ZNF250: variants seen among roughly 807,000 people sequenced by gnomAD.
The protein encoded by ZNF250 is zinc finger protein (clone 647).
Under a neutral mutation model 37.1 loss-of-function variants are expected in ZNF250, and 13 were observed. The observed-to-expected ratio is 0.35, with a 90% CI of 0.23 to 0.56. The LOEUF is 0.56. Ranked by LOEUF, ZNF250 falls within the 20% of genes least tolerant of loss-of-function variation. ZNF250 has a pLI of 0.87. For synonymous variants in ZNF250, 251 were observed against 265.6 expected, an observed-to-expected ratio of 0.94 and a Z score of 0.54; for missense variants, 474 against 697.9, an observed-to-expected ratio of 0.68 and a Z score of 3.61.
chr8:144,896,338 C>T (rs1036683234), intron 1 of ZNF250, among the ~76,000 whole-genome samples: 5 of 151,198 alleles, frequency 3.3e-5, no homozygotes, highest in African/African-American at 1.2e-4. Flanking sequence ...CAGAATGAAT[C>T]CCTGTCTCAA....
Position 144,881,578 on chromosome 8 carries a change from A to G in ZNF250, c.1605T>C (p.Cys535=). 6.2e-7 allele frequency: 1 copy of G among 1,611,786 alleles called. No individual in the cohort carries two copies. The highest frequency in any genetic ancestry group is 8.5e-7 in the Non-Finnish European group (1 of 1,178,168). The change falls in exon 6 of 6, where the codon TGT becomes TGC. Residue 535 remains cysteine (C), a synonymous_variant. Coordinates refer to ENST00000417550, the MANE Select transcript of ZNF250 (RefSeq NM_001109689.4). ...GGCCATGCTGGTTGAAGGCACGCCCACACTCCCCGCACTCATAGGGCTTCT... is the reference window on the plus strand; with the variant it reads ...GGCCATGCTGGTTGAAGGCACGCCCGCACTCCCCGCACTCATAGGGCTTCT... The part of the protein sequence containing the change: ...TGEKPYECGE[C]GRAFNQHGHL...
In ZNF250 at chr8:144,886,862, T is replaced by A. The variant is rs763768173; in HGVS notation, c.324A>T (p.Gln108His). Residue 108 changes from glutamine to histidine, a missense_variant, in exon 5 of 6, where the codon CAA (glutamine) becomes CAT (histidine). Around this residue, in one of 2 missense-constraint regions of ZNF250, gnomAD observed 192 missense variants for 227.5 expected, o/e 0.84. Transcript: ENST00000417550. ...KYDHTTACTQQDSLSCPWECE... is the reference protein window; with the variant it reads ...KYDHTTACTQHDSLSCPWECE... The stretch of plus-strand genomic sequence containing the variant: ...TACCCCATGGACAAGATAAACTGTC[T>A]TGTTGTGTACAGGCTGTAGTGTGGT... The A allele has an allele frequency of 1.2e-6, 2 of 1,608,910 alleles. No individual in the cohort carries two copies. Among genetic ancestry groups the A allele is most frequent in the Non-Finnish European group, 1.7e-6 (2 of 1,179,034 alleles).
At chr8:144,889,205 C>T (rs1392387825) in intron 4 of ZNF250, among the ~76,000 whole-genome samples, 1 of 152,226 alleles carries the variant, frequency 6.6e-6, no homozygotes, top group Non-Finnish European at 1.5e-5. Context: ...GAGACACTTC[C>T]TTTCCACATT....
Position 144,878,360 on chromosome 8 carries a change from C to T in ZNF250, c.*3155G>A, listed in dbSNP as rs1173912318. 2 of 152,238 alleles carry T rather than the reference C, an allele frequency of 1.3e-5. No homozygotes were observed. The highest frequency in any genetic ancestry group is 6.5e-5 in the Admixed American group (1 of 15,286). The allele number at this position is 152,238 out of a possible 1,614,324, so 9.4% of individuals were successfully genotyped here. Reference sequence around the variant, plus strand: ...ATTTCAGCCACCTCTGAAGTTAACACCTGTGTGATCTCAACTCCAGTGAAC... The same window carrying T: ...ATTTCAGCCACCTCTGAAGTTAACATCTGTGTGATCTCAACTCCAGTGAAC... On this transcript the variant is annotated 3_prime_UTR_variant, in exon 6 of 6. Coordinates refer to ENST00000417550, the MANE Select transcript of ZNF250 (RefSeq NM_001109689.4).
In ZNF250 at chr8:144,881,977, G is replaced by A. The variant is rs1031022997; in HGVS notation, c.1206C>T (p.Arg402=). 2.5e-6 allele frequency: 4 copies of A among 1,613,648 alleles called. No individual in the cohort carries two copies. Among genetic ancestry groups the A allele is most frequent in the African/African-American group, 1.3e-5 (1 of 74,830 alleles). The change falls in exon 6 of 6, where the codon CGC becomes CGT. Residue 402 remains arginine (R), a synonymous_variant. Transcript: ENST00000417550. ...CSECGKTFSH[R]STLMNHERIH... ...TCCGCTCGTGATTCATCAGTGTGGA[G>A]CGGTGGCTGAAGGTCTTCCCACACT...
At chr8:144,896,639 C>T (rs532930796) in intron 1 of ZNF250, among the ~76,000 whole-genome samples, 2 of 152,274 alleles carry the variant, frequency 1.3e-5, no homozygotes, top group African/African-American at 4.8e-5. Flanking sequence ...CAACTCCAAG[C>T]TTTGCTCCAT....
rs563859400 is a variant in ZNF250 at position 144,893,109 on chromosome 8, C to T, written c.-54-2706G>A. Among the ~76,000 whole-genome samples the T allele has an allele frequency of 4.5e-4, 69 of 152,080 alleles. 1 individual carries two copies. Among genetic ancestry groups the T allele is most frequent in the South Asian group, 2.3e-3 (11 of 4,826 alleles). On this transcript the variant is annotated intron_variant, in intron 1 of 5. Coordinates refer to ENST00000417550, the MANE Select transcript of ZNF250 (RefSeq NM_001109689.4). ...AACTCCCGACCTCAGGTGATCCACC[C>T]GCCTTGGCCTCCCAAAGTGCTGGGA... is the stretch of plus-strand genomic sequence containing the variant.
rs1179967851 is a variant in ZNF250, at chr8:144,880,346, G to A, written c.*1169C>T. ...CATTGTTTTGGGGGAAATACCATAA[G>A]ATGTAAAGAGGTACCCACTTGGTGT... is the stretch of plus-strand genomic sequence containing the variant. On this transcript the variant is annotated 3_prime_UTR_variant, in exon 6 of 6. Transcript: ENST00000417550. 9.0e-6 allele frequency: 4 copies of A among 443,526 alleles called. No individual in the cohort carries two copies. Among genetic ancestry groups the A allele is most frequent in the African/African-American group, 2.0e-5 (1 of 49,848 alleles). The allele number at this position is 443,526 out of a possible 1,614,324, so 27.5% of individuals were successfully genotyped here.
chr8:144,895,425 A>G (rs1287669244), intron 1 of ZNF250, among the ~76,000 whole-genome samples: 1 of 152,178 alleles, frequency 6.6e-6, no homozygotes, highest in Non-Finnish European at 1.5e-5. Context: ...GGCCCCACCT[A>G]TAAATCCAGA....
chr8:144,894,893 G>A (rs1832604925), intron 1 of ZNF250, among the ~76,000 whole-genome samples: 1 of 151,748 alleles, frequency 6.6e-6, no homozygotes, highest in Non-Finnish European at 1.5e-5. Flanking sequence ...TGAACTCCTA[G>A]GCTCAAGGGA....
rs1034770096 is a variant in ZNF250 at position 144,879,783 on chromosome 8, T to C, written c.*1732A>G. ...GATTCGGTTTCAAGAACTGTATCCT[T>C]GGCCGGGTGCGGTGGCACACGCCTG... On this transcript the variant is annotated 3_prime_UTR_variant, in exon 6 of 6. Transcript: ENST00000417550. The C allele has an allele frequency of 2.6e-5, 4 of 152,450 alleles. No homozygotes were observed. The highest frequency in any genetic ancestry group is 7.2e-5 in the African/African-American group (3 of 41,580). 9.4% of individuals were successfully genotyped at this position (152,450 alleles called of 1,614,324 possible). A position where few individuals can be genotyped will look rare whatever the true frequency, so the allele number is the denominator to read the frequency against.
rs940520684 is a variant in ZNF250 at position 144,901,037 on chromosome 8, G to C, written c.-55+362C>G. On this transcript the variant is annotated intron_variant, in intron 1 of 5. Transcript: ENST00000417550. The surrounding 1 kb of genome is among the most constrained non-coding windows in gnomAD (Gnocchi z 5.4). ...AGAAAGCGCGCGGGAGGGCACGAGG[G>C]GGAGGAAGGCCGGAGATCTGAGGAG... Among the ~76,000 whole-genome samples the C allele has an allele frequency of 6.6e-6, 1 of 152,134 alleles. No individual in the cohort carries two copies. The highest frequency in any genetic ancestry group is 1.5e-5 in the Non-Finnish European group (1 of 67,998).
intron 5 of ZNF250, among the ~76,000 whole-genome samples, chr8:144,886,444 C>T (rs1033323028): frequency 1.8e-4 from 28 of 152,210 alleles, no homozygotes; most frequent in African/African-American, 5.8e-4. Flanking sequence ...CTGTGAAGGC[C>T]AAACTTGCCT....
Position 144,878,307 on chromosome 8 carries a change from A to G in ZNF250, c.*3208T>C, listed in dbSNP as rs1011635670. 2 of 152,308 alleles carry G rather than the reference A, an allele frequency of 1.3e-5. No individual in the cohort carries two copies. The highest frequency in any genetic ancestry group is 3.9e-4 in the East Asian group (2 of 5,180). The allele number at this position is 152,308 out of a possible 1,614,324, so 9.4% of individuals were successfully genotyped here. On this transcript the variant is annotated 3_prime_UTR_variant, in exon 6 of 6. Coordinates refer to ENST00000417550, the MANE Select transcript of ZNF250 (RefSeq NM_001109689.4). ...CTAAAGCATCACCCCTAGTGATCTCAACCTTTCTCTGAAGAATCACCTTAG... is the reference window on the plus strand; with the variant it reads ...CTAAAGCATCACCCCTAGTGATCTCGACCTTTCTCTGAAGAATCACCTTAG...
At chr8:144,893,016 C>T (rs991951072) in intron 1 of ZNF250, among the ~76,000 whole-genome samples, 5 of 151,346 alleles carry the variant, frequency 3.3e-5, no homozygotes, top group African/African-American at 1.2e-4. Context: ...CCCACCAGCA[C>T]GCTCGGCTAA....
Position 144,888,299 on chromosome 8 carries a change from T to C in ZNF250, c.283+1282A>G, listed in dbSNP as rs112873324. Among the ~76,000 whole-genome samples, 1,421 of 152,276 alleles carry C rather than the reference T, an allele frequency of 9.3e-3. 23 individuals carry two copies. Among genetic ancestry groups the C allele is most frequent in the African/African-American group, 0.032 (1,315 of 41,534 alleles). ...CACCTTTGCTGGTTGCTGACAAATA[T>C]AAATAAAACATTTCTGGCCAGGTGC... On this transcript the variant is annotated intron_variant, in intron 4 of 5. Transcript: ENST00000417550.
In ZNF250 at chr8:144,897,455, G is replaced by C. The variant is rs1832795120; in HGVS notation, c.-55+3944C>G. Among the ~76,000 whole-genome samples the C allele has an allele frequency of 6.6e-6, 1 of 152,180 alleles. No homozygotes were observed. The highest frequency in any genetic ancestry group is 2.1e-4 in the South Asian group (1 of 4,832). ...AACCTGCAACCTTTCCAGAATTAATGATCAGAAATATGTATCCAAATTGAT... is the reference window on the plus strand; with the variant it reads ...AACCTGCAACCTTTCCAGAATTAATCATCAGAAATATGTATCCAAATTGAT... On this transcript the variant is annotated intron_variant, in intron 1 of 5. Transcript: ENST00000417550. The surrounding 1 kb of genome is among the most constrained non-coding windows in gnomAD (Gnocchi z 5.2).
In ZNF250 at chr8:144,880,252, T is replaced by C; in HGVS notation, c.*1263A>G. On this transcript the variant is annotated 3_prime_UTR_variant, in exon 6 of 6. Transcript: ENST00000417550. ...ATAGGAATAGAAATACTAGAGATAG[T>C]AAAAAAGAGCTATCTGAATTTGAGA... The C allele has an allele frequency of 3.4e-6, 1 of 291,022 alleles. No individual in the cohort carries two copies. The highest frequency in any genetic ancestry group is 7.1e-6 in the Non-Finnish European group (1 of 140,688). The allele number at this position is 291,022 out of a possible 1,614,324, so 18.0% of individuals were successfully genotyped here.
Position 144,890,399 on chromosome 8 carries a change from T to C in ZNF250, c.-50A>G, listed in dbSNP as rs1312952399. Reference sequence around the variant, plus strand: ...GGATCACGGAAATTGAAGGAGCCTATGGGGCTGAGGAAGAGGAGGGGGCAA... The same window carrying C: ...GGATCACGGAAATTGAAGGAGCCTACGGGGCTGAGGAAGAGGAGGGGGCAA... On this transcript the variant is annotated 5_prime_UTR_variant, in exon 2 of 6. Transcript: ENST00000417550. This position sits in a 1 kb window ranked among gnomAD's most constrained non-coding sequence, Gnocchi z 5.1. 2 of 1,441,448 alleles carry C rather than the reference T, an allele frequency of 1.4e-6. No homozygotes were observed. The highest frequency in any genetic ancestry group is 1.6e-5 in the South Asian group (1 of 60,630). The allele number at this position is 1,441,448 out of a possible 1,614,324, so 89.3% of individuals were successfully genotyped here. A position where few individuals can be genotyped will look rare whatever the true frequency, so the allele number is the denominator to read the frequency against.
Sources: allele counts gnomAD v4.1 joint callset (sites outside exome capture counted in the v4.1 genomes callset), GRCh38; gene constraint gnomAD v4.1.1; regional missense constraint gnomAD v4.1.1; non-coding constraint Gnocchi (gnomAD v3.1); transcripts MANE v1.5; gene names NCBI Gene and HGNC (gene_info 2026-07-23, HGNC 2026-07-21).